PNMT: variants seen among roughly 807,000 people sequenced by gnomAD.
PNMT encodes the protein phenylethanolamine N-methyltransferase.
Under a neutral mutation model 18.9 loss-of-function variants are expected in PNMT, and 18 were observed. The ratio of observed to expected loss-of-function variants is 0.95; its 90% CI spans 0.66 to 1.41. PNMT has a LOEUF of 1.41. PNMT is among the 40% of genes most tolerant of loss of function. The pLI is 0.00. For missense variants in PNMT, 378 were observed against 387.0 expected, an observed-to-expected ratio of 0.98 and a Z score of 0.20; for synonymous variants, 167 against 168.6, an observed-to-expected ratio of 0.99 and a Z score of 0.08.
At chr17:39,668,800 A>C in intron 1 of PNMT, 123 bp downstream of exon 1, 1 of 729,908 alleles carries the variant, frequency 1.4e-6, no homozygotes, top group Non-Finnish European at 2.2e-6. Flanking sequence ...ACCAAGAAAC[A>C]AGAGATAGCT....
Position 39,669,635 on chromosome 17 carries a change from T to A in PNMT, c.209T>A (p.Val70Glu). ...CTTCCTCTGCCCTGCCCAGGTGAAG[T>A]GTCCGGACGCACCCTCATCGACATT... Reference protein sequence around the residue: ...CLAQTFATGEVSGRTLIDIGS... With the variant: ...CLAQTFATGEESGRTLIDIGS... Residue 70 changes from valine (V) to glutamate (E), a missense_variant, in exon 2 of 3, where the codon GTG (valine) becomes GAG (glutamate). Physicochemically the swap from Val to Glu is moderately radical, Grantham distance 121. Transcript: ENST00000269582. 1 of 1,613,828 alleles carries A rather than the reference T, an allele frequency of 6.2e-7. No homozygotes were observed. The highest frequency in any genetic ancestry group is 1.1e-5 in the South Asian group (1 of 91,082).
Position 39,669,845 on chromosome 17 carries a change from TG to T in PNMT, c.410+15del, listed in dbSNP as rs749998830. 8 of 1,609,758 alleles carry T rather than the reference TG, an allele frequency of 5.0e-6. No individual in the cohort carries two copies. The highest frequency in any genetic ancestry group is 6.8e-6 in the Non-Finnish European group (8 of 1,176,870). ...CTCATTGAGGGCAAGGGGTAAGGACTGGGGGGTGAGGGTTGGGGAGGAGGCT... is the reference window on the plus strand; with the variant it reads ...CTCATTGAGGGCAAGGGGTAAGGACTGGGGGTGAGGGTTGGGGAGGAGGCT... On this transcript the variant is annotated intron_variant, in intron 2 of 2. Transcript: ENST00000269582.
upstream of PNMT, chr17:39,668,436 C>G: frequency 4.5e-6 from 6 of 1,342,914 alleles, no homozygotes; most frequent in East Asian, 3.1e-5. Context: ...AAAAAAGGGC[C>G]GCGAGGCGAG....
At chr17:39,669,877 T>A (rs369408767) in intron 2 of PNMT, 41 bp downstream of exon 2, 1 of 1,597,116 alleles carries the variant, frequency 6.3e-7, no homozygotes, top group Non-Finnish European at 8.6e-7. Context: ...AGGCTTCCCA[T>A]AGAGTGGCTG....
chr17:39,668,425 G>A, upstream of PNMT: 3 of 1,333,710 alleles, frequency 2.2e-6, no homozygotes, highest in Non-Finnish European at 1.9e-6. Context: ...TCGGGCGGTA[G>A]AAAAAAGGGC....
Position 39,670,089 on chromosome 17 carries a change from C to CT in PNMT, c.551dup (p.Leu184PhefsTer53). On this transcript the variant is annotated frameshift_variant, in exon 3 of 3. Transcript: ENST00000269582. LOFTEE classifies it high-confidence loss of function. ...CTGACGCCCTGGTCTCTGCCTTCTG[C>CT]TTGGAGGCTGTGAGCCCAGATCTTG... 1 of 1,609,414 alleles carries CT rather than the reference C, an allele frequency of 6.2e-7. No homozygotes were observed. Among genetic ancestry groups the CT allele is most frequent in the Non-Finnish European group, 8.5e-7 (1 of 1,179,916 alleles).
At position 39,669,576 on chromosome 17, in the gene PNMT, A is replaced by G. The variant is rs2057281039; in HGVS notation, c.203-53A>G. On this transcript the variant is annotated intron_variant, in intron 1 of 2. Coordinates refer to ENST00000269582, the MANE Select transcript of PNMT (RefSeq NM_002686.4). The stretch of plus-strand genomic sequence containing the variant: ...GCAGGGGAGGGAAGGGTAAGGAGGC[A>G]GGGGCTGCCTGGGCTGGCTGGCACC... 4.4e-6 allele frequency: 6 copies of G among 1,365,124 alleles called. No individual in the cohort carries two copies. In the East Asian group the frequency reaches 1.4e-4, roughly 31 times the overall value. The allele number at this position is 1,365,124 out of a possible 1,614,324, so 84.6% of individuals were successfully genotyped here. A position where few individuals can be genotyped will look rare whatever the true frequency, so the allele number is the denominator to read the frequency against.
rs1567866524 is a variant in PNMT at position 39,668,550 on chromosome 17, G to T, written c.75G>T (p.Ser25=). The T allele has an allele frequency of 1.9e-6, 3 of 1,559,228 alleles. No individual in the cohort carries two copies. The highest frequency in any genetic ancestry group is 2.6e-6 in the Non-Finnish European group (3 of 1,159,158). Residue 25 remains serine (S), a synonymous_variant, in exon 1 of 3, where the codon TCG becomes TCT. Transcript: ENST00000269582. ...DSAPGQAAVA[S]AYQRFEPRAY... is the part of the protein sequence containing the mutation. ...CCCCGGGCCAGGCGGCGGTGGCTTC[G>T]GCCTACCAGCGCTTCGAGCCGCGCG...
At chr17:39,669,419 G>C (rs1406572531) in intron 1 of PNMT, among the ~76,000 whole-genome samples, 1 of 152,184 alleles carries the variant, frequency 6.6e-6, no homozygotes, top group African/African-American at 2.4e-5. Context: ...CTGAGTCTCA[G>C]AGCGGTGAAG....
At chr17:39,668,755 G>T (rs2057275115) in intron 1 of PNMT, 78 bp downstream of exon 1, 27 of 1,225,286 alleles carry the variant, frequency 2.2e-5, no homozygotes, top group Non-Finnish European at 3.0e-5. Flanking sequence ...TAAAAAGAAG[G>T]AAAGGGAGAC....
Position 39,670,130 on chromosome 17 carries a change from C to G in PNMT, c.590C>G (p.Ala197Gly). Residue 197 changes from alanine (A) to glycine (G), a missense_variant, in exon 3 of 3, where the codon GCC (alanine) becomes GGC (glycine). Physicochemically the swap from Ala to Gly is moderately conservative, Grantham distance 60 (BLOSUM62 0). Transcript: ENST00000269582. ...CCAGATCTTGCCAGCTTTCAGCGGG[C>G]CCTGGACCACATCACCACGCTGCTG... ...VSPDLASFQR[A>G]LDHITTLLRP... The G allele has an allele frequency of 6.2e-7, 1 of 1,611,460 alleles. No homozygotes were observed. The highest frequency in any genetic ancestry group is 8.5e-7 in the Non-Finnish European group (1 of 1,179,978).
chr17:39,669,691 A>G lies in PNMT; in HGVS notation c.265A>G (p.Ser89Gly), dbSNP rs2057282267. Residue 89 changes from serine (S) to glycine (G), a missense_variant, in exon 2 of 3, where the codon AGT (serine) becomes GGT (glycine). Coordinates refer to ENST00000269582, the MANE Select transcript of PNMT (RefSeq NM_002686.4). ...AGGCCCCACCGTGTACCAGCTGCTC[A>G]GTGCCTGCAGCCACTTTGAGGACAT... ...GSGPTVYQLL[S>G]ACSHFEDITM... is the part of the protein sequence containing the mutation. 6.2e-7 allele frequency: 1 copy of G among 1,614,154 alleles called. No homozygotes were observed. Among genetic ancestry groups the G allele is most frequent in the South Asian group, 1.1e-5 (1 of 91,078 alleles).
chr17:39,669,867 AGG>A, intron 2 of PNMT, 31 bp downstream of exon 2: 1 of 1,601,318 alleles, frequency 6.2e-7, no homozygotes, highest in Non-Finnish European at 8.5e-7. Context: ...GTTGGGGAGG[AGG>A]CTTCCCATAG....
Position 39,668,635 on chromosome 17 carries a change from G to A in PNMT, c.160G>A (p.Gly54Arg). The A allele has an allele frequency of 3.1e-6, 5 of 1,602,658 alleles. No homozygotes were observed. Among genetic ancestry groups the A allele is most frequent in the Non-Finnish European group, 3.4e-6 (4 of 1,176,144 alleles). The change falls in exon 1 of 3, where the codon GGG becomes AGG. Residue 54 changes from glycine (G) to arginine (R), a missense_variant. By Grantham distance (125) the Gly-to-Arg change is moderately radical. Coordinates refer to ENST00000269582, the MANE Select transcript of PNMT (RefSeq NM_002686.4). ...RGDLCNPNGV[G>R]PWKLRCLAQT... ...GGACCTGTGCAACCCGAACGGCGTC[G>A]GGCCGTGGAAGCTGCGCTGCTTGGC...
Position 39,668,681 on chromosome 17 carries a change from A to G in PNMT, c.202+4A>G. ...TTGGCGCAGACCTTCGCCACCGGTG[A>G]GCGGGGGAAACTGAGGCACGAGGGA... is the stretch of plus-strand genomic sequence containing the variant. On this transcript the variant is annotated splice_donor_region_variant and intron_variant, in intron 1 of 2. Coordinates refer to ENST00000269582, the MANE Select transcript of PNMT (RefSeq NM_002686.4). 6.4e-7 allele frequency: 1 copy of G among 1,569,428 alleles called. No homozygotes were observed. Among genetic ancestry groups the G allele is most frequent in the Non-Finnish European group, 8.7e-7 (1 of 1,155,444 alleles).
chr17:39,668,535 G>C lies in PNMT; in HGVS notation c.60G>C (p.Gln20His). The change falls in exon 1 of 3, where the codon CAG (glutamine) becomes CAC (histidine). Residue 20 changes from glutamine to histidine, a missense_variant. Coordinates refer to ENST00000269582, the MANE Select transcript of PNMT (RefSeq NM_002686.4). ...AGAAPDSAPG[Q>H]AAVASAYQRF... is the part of the protein sequence containing the mutation. ...CAGCCCCTGACTCGGCCCCGGGCCA[G>C]GCGGCGGTGGCTTCGGCCTACCAGC... 6.5e-7 allele frequency: 1 copy of C among 1,546,078 alleles called. No individual in the cohort carries two copies. Among genetic ancestry groups the C allele is most frequent in the Non-Finnish European group, 8.7e-7 (1 of 1,152,066 alleles).
rs540471624 is a variant in PNMT, at chr17:39,669,049, CTTTAT to C, written c.202+381_202+385del. Among the ~76,000 whole-genome samples the C allele has an allele frequency of 2.5e-3, 384 of 152,124 alleles. 1 individual carries two copies. Among genetic ancestry groups the C allele is most frequent in the African/African-American group, 9.0e-3 (375 of 41,500 alleles). ...AGGTATAGTTGTTTTCTTTCTTTTT[CTTTAT>C]TTTATTTTCATTTATTTACTTATTT... On this transcript the variant is annotated intron_variant, in intron 1 of 2. Transcript: ENST00000269582.
At position 39,668,473 on chromosome 17, in the gene PNMT, A is replaced by T; in HGVS notation, c.-3A>T. ...GGGGCACTGGGCGGACCGCGGCGGC[A>T]GCATGAGCGGCGCAGACCGTAGCCC... On this transcript the variant is annotated 5_prime_UTR_variant, in exon 1 of 3. Coordinates refer to ENST00000269582, the MANE Select transcript of PNMT (RefSeq NM_002686.4). The T allele has an allele frequency of 7.1e-7, 1 of 1,410,538 alleles. No individual in the cohort carries two copies. 87.4% of individuals were successfully genotyped at this position (1,410,538 alleles called of 1,614,324 possible). A position where few individuals can be genotyped will look rare whatever the true frequency, so the allele number is the denominator to read the frequency against.
chr17:39,669,898 C>T (rs1337285619), intron 2 of PNMT, 53 bp from the exon 3 acceptor site: 9 of 1,591,796 alleles, frequency 5.7e-6, no homozygotes, highest in Non-Finnish European at 6.0e-6. Flanking sequence ...GTTGGGGCAA[C>T]AGAGGCCTGA....
Sources: allele counts gnomAD v4.1 joint callset (sites outside exome capture counted in the v4.1 genomes callset), GRCh38; gene constraint gnomAD v4.1.1; transcripts MANE v1.5; gene names NCBI Gene and HGNC (gene_info 2026-07-23, HGNC 2026-07-21).